The following LARP4 variants were observed in gnomAD, a reference collection of about 807,000 sequenced individuals.
LARP4 encodes the protein la-related protein 4.
Under a neutral mutation model 92.9 loss-of-function variants are expected in LARP4, and 29 were observed. That is an observed-to-expected ratio of 0.31 (90% CI 0.23 to 0.43). The LOEUF is 0.43. Among genes scored for constraint, LARP4 ranks in the 20% least tolerant of loss-of-function variants. The pLI, the probability that LARP4 is intolerant of heterozygous loss-of-function variation, is 1.00. For missense variants in LARP4, 732 were observed against 860.0 expected (o/e 0.85, Z 1.86); for synonymous variants, 279 against 284.1 (o/e 0.98, Z 0.18).
intron 8 of LARP4, among the ~76,000 whole-genome samples, chr12:50,448,976 A>G (rs1952670548): frequency 6.6e-6 from 1 of 152,104 alleles, no homozygotes. Context: ...TGGTCTGGAC[A>G]CTGTGGCTCG....
chr12:50,464,081 C>A (rs994109415), intron 12 of LARP4, among the ~76,000 whole-genome samples: 2 of 152,154 alleles, frequency 1.3e-5, no homozygotes, highest in African/African-American at 4.8e-5. Context: ...GTGTTGCTTC[C>A]ACATTTTCAG....
chr12:50,449,444 G>A (rs1168108001), intron 8 of LARP4, among the ~76,000 whole-genome samples: 6 of 152,100 alleles, frequency 3.9e-5, no homozygotes, highest in South Asian at 2.1e-4. Flanking sequence ...CAAATTGGTC[G>A]CTAGATCTTT....
At chr12:50,471,744 A>G (rs1956959294) in intron 13 of LARP4, among the ~76,000 whole-genome samples, 2 of 152,022 alleles carry the variant, frequency 1.3e-5, no homozygotes, top group South Asian at 2.1e-4. Flanking sequence ...TGGTCTCTCA[A>G]ACTCCTGACC....
intron 1 of LARP4, among the ~76,000 whole-genome samples, chr12:50,408,522 A>G (rs1464109440): frequency 6.6e-6 from 1 of 151,766 alleles, no homozygotes; most frequent in Non-Finnish European, 1.5e-5. Flanking sequence ...GTCAGGGTAG[A>G]AAAGTCTGCA....
intron 13 of LARP4, among the ~76,000 whole-genome samples, chr12:50,473,035 C>G (rs1262751496): frequency 6.6e-6 from 1 of 151,660 alleles, no homozygotes; most frequent in African/African-American, 2.4e-5. Flanking sequence ...GTTGGCCAGG[C>G]TGGTCTTGAA....
At chr12:50,466,442 T>C (rs1195784417) in intron 12 of LARP4, among the ~76,000 whole-genome samples, 1 of 151,934 alleles carries the variant, frequency 6.6e-6, no homozygotes, top group Non-Finnish European at 1.5e-5. Context: ...AGTGAAACCT[T>C]GTCACTACTA....
intron 1 of LARP4, chr12:50,421,165 G>T (rs972112336): frequency 3.8e-6 from 1 of 261,816 alleles, no homozygotes; most frequent in South Asian, 1.4e-4. Flanking sequence ...TGGCTAGGCT[G>T]GTCTCGAACT....
chr12:50,412,221 A>C (rs1166321994), intron 1 of LARP4, among the ~76,000 whole-genome samples: 5 of 152,270 alleles, frequency 3.3e-5, no homozygotes, highest in Admixed American at 6.5e-5. Flanking sequence ...AAATAGCCCT[A>C]AGCATCTTCT....
rs928216688 is a variant in LARP4 at position 50,477,455 on chromosome 12, A to G, written c.*1591A>G. 8.5e-5 allele frequency: 13 copies of G among 152,554 alleles called. No homozygotes were observed. Among genetic ancestry groups the G allele is most frequent in the African/African-American group, 2.9e-4 (12 of 41,440 alleles). The allele number at this position is 152,554 out of a possible 1,614,324, so 9.5% of individuals were successfully genotyped here. A position where few individuals can be genotyped will look rare whatever the true frequency, so the allele number is the denominator to read the frequency against. On this transcript the variant is annotated 3_prime_UTR_variant, in exon 16 of 16. Coordinates refer to ENST00000398473, the MANE Select transcript of LARP4 (RefSeq NM_052879.5). ...AAACTGTAAATTGTGAACACTGGAA[A>G]GCACCATTGTGACATAGAGTAAACA...
In LARP4 at chr12:50,479,893, T is replaced by C. The variant is rs1957774474; in HGVS notation, c.*4029T>C. 1.3e-5 allele frequency: 2 copies of C among 152,612 alleles called. No individual in the cohort carries two copies. Among genetic ancestry groups the C allele is most frequent in the Non-Finnish European group, 2.9e-5 (2 of 68,030 alleles). 9.5% of individuals were successfully genotyped at this position (152,612 alleles called of 1,614,324 possible). A position where few individuals can be genotyped will look rare whatever the true frequency, so the allele number is the denominator to read the frequency against. ...CCAAAATTGGTGTGACACATGCTCA[T>C]GCATAAAATGTTAAAATGAGTACAT... On this transcript the variant is annotated 3_prime_UTR_variant, in exon 16 of 16. Transcript: ENST00000398473.
intron 10 of LARP4, among the ~76,000 whole-genome samples, chr12:50,456,635 T>G (rs968111448): frequency 3.3e-5 from 5 of 152,184 alleles, no homozygotes; most frequent in Admixed American, 2.6e-4. Flanking sequence ...AATCCAGGCA[T>G]TTTTCTACCT....
At chr12:50,417,922 G>A (rs1398557490) in intron 1 of LARP4, among the ~76,000 whole-genome samples, 2 of 152,090 alleles carry the variant, frequency 1.3e-5, no homozygotes, top group African/African-American at 2.4e-5. Context: ...GTGTAATGGC[G>A]CGATCTTGGT....
In LARP4 at chr12:50,479,627, T is replaced by C. The variant is rs1213334958; in HGVS notation, c.*3763T>C. 1 of 152,246 alleles carries C rather than the reference T, an allele frequency of 6.6e-6. No individual in the cohort carries two copies. The highest frequency in any genetic ancestry group is 2.4e-5 in the African/African-American group (1 of 41,462). The allele number at this position is 152,246 out of a possible 1,614,324, so 9.4% of individuals were successfully genotyped here. ...TTAAAAGCTGACAACTTTTTATGAA[T>C]CTTCGAGTTGACAGTTCCTAAAAGC... On this transcript the variant is annotated 3_prime_UTR_variant, in exon 16 of 16. Transcript: ENST00000398473.
At chr12:50,420,165 G>A (rs1168358787) in intron 1 of LARP4, among the ~76,000 whole-genome samples, 1 of 152,032 alleles carries the variant, frequency 6.6e-6, no homozygotes, top group East Asian at 1.9e-4. Flanking sequence ...ATAGATTTGA[G>A]GAAAGAACTA....
chr12:50,472,834 T>A (rs1387381588), intron 13 of LARP4, among the ~76,000 whole-genome samples: 4 of 151,508 alleles, frequency 2.6e-5, no homozygotes, highest in African/African-American at 9.7e-5. Context: ...TTTTTTTTTT[T>A]TTTGGGACGG....
At chr12:50,412,317 C>A (rs767461693) in intron 1 of LARP4, 1 of 313,804 alleles carries the variant, frequency 3.2e-6, no homozygotes, top group Non-Finnish European at 4.6e-6. Flanking sequence ...GTAGCCCTCT[C>A]AGTATTGGAG....
At chr12:50,454,238 C>A in intron 9 of LARP4, 76 bp from the exon 10 acceptor site, 1 of 1,027,262 alleles carries the variant, frequency 9.7e-7, no homozygotes, top group Non-Finnish European at 1.5e-6. Flanking sequence ...TTCATAAGCT[C>A]ATTAAGGTTC....
chr12:50,462,490 A>AT, intron 11 of LARP4, 92 bp from the exon 12 acceptor site: 1 of 803,552 alleles, frequency 1.2e-6, no homozygotes, highest in Non-Finnish European at 2.0e-6. Context: ...AAAAAAAAAA[A>AT]TGTGTACGGC....
chr12:50,450,273 A>G (rs1049190447), intron 8 of LARP4, among the ~76,000 whole-genome samples: 5 of 152,042 alleles, frequency 3.3e-5, no homozygotes, highest in African/African-American at 1.2e-4. Flanking sequence ...GCAGTTTGTC[A>G]AGATGTTCCA....
Sources: gnomAD v4.1 joint callset for allele counts (sites outside exome capture counted in the v4.1 genomes callset) on GRCh38, gnomAD v4.1.1 for gene constraint, MANE v1.5 for transcripts, NCBI Gene and HGNC (gene_info 2026-07-23, HGNC 2026-07-21) for gene names.